Variants in NLGN4X observed in about 807,000 individuals in gnomAD.
The protein encoded by NLGN4X is neuroligin 4 X-linked.
In NLGN4X, 3 loss-of-function variants were observed where a neutral mutation model predicts 40.3. That is an observed-to-expected ratio of 0.07 (90% CI 0.03 to 0.19). The LOEUF (loss-of-function observed/expected upper bound fraction) is 0.19. Ranked by LOEUF, NLGN4X falls within the 10% of genes least tolerant of loss-of-function variation. The pLI is 1.00. For synonymous variants in NLGN4X, 270 were observed against 306.8 expected (o/e 0.88, Z 1.25); for missense variants, 382 against 708.3 (o/e 0.54, Z 5.23).
At chrX:5,995,319 G>A (rs973636087) in intron 3 of NLGN4X, among the ~76,000 whole-genome samples, 7 of 112,832 alleles carry the variant, frequency 6.2e-5, no homozygotes, top group Admixed American at 1.9e-4. Flanking sequence ...AGGGAGAAGC[G>A]AAGTTGATGG....
chrX:5,961,140 T>C (rs1482034282), intron 3 of NLGN4X, among the ~76,000 whole-genome samples: 3 of 111,762 alleles, frequency 2.7e-5, no homozygotes, highest in Non-Finnish European at 5.6e-5. Flanking sequence ...GCCATTCTCC[T>C]GCCTCAGCCT....
intron 2 of NLGN4X, among the ~76,000 whole-genome samples, chrX:6,097,804 C>A (rs892953314): frequency 9.0e-6 from 1 of 111,062 alleles, no homozygotes; most frequent in African/African-American, 3.3e-5. Flanking sequence ...CAAACTCAGG[C>A]TTAAAAAAAT....
chrX:6,120,923 C>T (rs2039408613), intron 2 of NLGN4X, among the ~76,000 whole-genome samples: 2 of 111,776 alleles, frequency 1.8e-5, no homozygotes, highest in Admixed American at 1.9e-4. Context: ...AGAACTGACC[C>T]TGCAGGCATC....
intron 3 of NLGN4X, among the ~76,000 whole-genome samples, chrX:5,909,955 GCCTT>G (rs1429827699): frequency 3.6e-5 from 4 of 111,447 alleles, no homozygotes. Flanking sequence ...TCAGGAACTG[GCCTT>G]CCTTATTTTA....
At chrX:5,910,788 G>C (rs1279196925) in intron 3 of NLGN4X, among the ~76,000 whole-genome samples, 1 of 111,316 alleles carries the variant, frequency 9.0e-6, no homozygotes, top group Non-Finnish European at 1.9e-5. Flanking sequence ...AGCCTGAATC[G>C]GGAGTCACTA....
At chrX:6,168,323 T>C (rs1234007070) in intron 1 of NLGN4X, among the ~76,000 whole-genome samples, 1 of 108,333 alleles carries the variant, frequency 9.2e-6, no homozygotes, top group Non-Finnish European at 1.9e-5. Flanking sequence ...GCGAGTGCTA[T>C]CTTAAGACTA....
At chrX:6,225,668 CT>C (rs1403379610) in intron 1 of NLGN4X, among the ~76,000 whole-genome samples, 842 of 31,489 alleles carry the variant, frequency 0.027, 4 homozygotes, top group Non-Finnish European at 0.053. Flanking sequence ...TTTTCTTTTC[CT>C]TTTTTTTCTT....
intron 1 of NLGN4X, chrX:6,227,887 T>C: frequency 9.6e-6 from 1 of 104,483 alleles, no homozygotes; most frequent in Non-Finnish European, 2.0e-5. Context: ...TTCTTTCTGG[T>C]TAACAGCACC....
chrX:6,043,033 G>A (rs752065787), intron 2 of NLGN4X, among the ~76,000 whole-genome samples: 9 of 106,249 alleles, frequency 8.5e-5, no homozygotes, highest in Non-Finnish European at 1.5e-4. Context: ...CCAAGATCAC[G>A]CCACTGCACT....
chrX:6,217,902 C>T (rs977530790), intron 1 of NLGN4X, among the ~76,000 whole-genome samples: 1 of 111,769 alleles, frequency 8.9e-6, no homozygotes, highest in Non-Finnish European at 1.9e-5. Flanking sequence ...TAACAGGCAA[C>T]TAGAAACCCA....
At chrX:6,107,820 G>A (rs761467396) in intron 2 of NLGN4X, among the ~76,000 whole-genome samples, 11 of 111,961 alleles carry the variant, frequency 9.8e-5, no homozygotes, top group African/African-American at 3.6e-4. Context: ...TTATGTTTTT[G>A]AGTTATTTCA....
intron 5 of NLGN4X, 25 bp from the exon 6 acceptor site, chrX:5,893,691 G>T (rs1378980378): frequency 8.3e-7 from 1 of 1,206,856 alleles, no homozygotes; most frequent in African/African-American, 1.8e-5. Flanking sequence ...AAGAAAAAAA[G>T]AAAGGTCATA....
At chrX:5,914,412 A>G (rs6529897) in intron 3 of NLGN4X, among the ~76,000 whole-genome samples, 33,141 of 110,375 alleles carry the variant, frequency 0.3, 4,463 homozygotes, top group East Asian at 0.61. Flanking sequence ...TTTTCTTTCA[A>G]TTAACAAAAG....
At chrX:6,012,385 A>G (rs1184207898) in intron 3 of NLGN4X, among the ~76,000 whole-genome samples, 4 of 112,083 alleles carry the variant, frequency 3.6e-5, no homozygotes, top group Non-Finnish European at 7.5e-5. Context: ...AAGGAGATGA[A>G]GAATCCCAGA....
chrX:5,907,078 GA>G lies in NLGN4X; in HGVS notation c.811+1975del, dbSNP rs199659684. Among the ~76,000 whole-genome samples the G allele has an allele frequency of 6.2e-3, 604 of 97,974 alleles. 4 individuals carry two copies. Among genetic ancestry groups the G allele is most frequent in the African/African-American group, 0.019 (515 of 26,880 alleles). The allele number at this position is 97,974 out of a possible 115,157, so 85.1% of individuals were successfully genotyped here. The stretch of plus-strand genomic sequence containing the variant: ...CCTGGGAGACAGAGTGAGACTCCCT[GA>G]AAAAAAAAAAAAATTCCATGAAGGT... On this transcript the variant is annotated intron_variant, in intron 4 of 5. Transcript: ENST00000381095.
In NLGN4X at chrX:6,027,221, C is replaced by A. The variant is rs750549445; in HGVS notation, c.625+2059G>T. On this transcript the variant is annotated intron_variant, in intron 3 of 5. Coordinates refer to ENST00000381095, the MANE Select transcript of NLGN4X (RefSeq NM_181332.3). ...CTTCCACCTCTTTGTCAGAATGAAC[C>A]TTTTGTAAAACATCAAGAAGCACAA... 3.6e-5 allele frequency among the ~76,000 whole-genome samples: 4 copies of A among 112,055 alleles called. No individual in the cohort carries two copies. The East Asian group carries it at 1.1e-3, about 31-fold the overall frequency.
At chrX:6,176,236 G>A (rs1026262204) in intron 1 of NLGN4X, among the ~76,000 whole-genome samples, 1 of 111,840 alleles carries the variant, frequency 8.9e-6, no homozygotes, top group Non-Finnish European at 1.9e-5. Flanking sequence ...CCTTCAGGGG[G>A]CCAAGGCCCT....
chrX:6,103,545 A>G (rs1412224740), intron 2 of NLGN4X, among the ~76,000 whole-genome samples: 1 of 112,237 alleles, frequency 8.9e-6, no homozygotes, highest in African/African-American at 3.2e-5. Context: ...ATATTACTAC[A>G]TAACAACATC....
chrX:6,029,002 AC>A (rs1204340443), intron 3 of NLGN4X, among the ~76,000 whole-genome samples: 1 of 112,829 alleles, frequency 8.9e-6, no homozygotes, highest in Non-Finnish European at 1.9e-5. Context: ...AGACAAACAT[AC>A]ATTCATTGAA....
Sources: allele counts gnomAD v4.1 joint callset (sites outside exome capture counted in the v4.1 genomes callset), GRCh38; gene constraint gnomAD v4.1.1; transcripts MANE v1.5; gene names NCBI Gene and HGNC (gene_info 2026-07-23, HGNC 2026-07-21).